RNF32: variants seen among roughly 807,000 people sequenced by gnomAD.
RNF32 encodes the protein ring finger protein 32.
In RNF32, 36 loss-of-function variants were observed where a neutral mutation model predicts 41.0. That is an observed-to-expected ratio of 0.88 (90% CI 0.67 to 1.16). The LOEUF (loss-of-function observed/expected upper bound fraction) is 1.16, where lower values mean the gene tolerates loss of function less well. RNF32 is among the 50% of genes most tolerant of loss of function. The pLI is 0.00. For synonymous variants in RNF32, 154 were observed against 160.9 expected, an observed-to-expected ratio of 0.96 and a Z score of 0.32; for missense variants, 413 against 436.7, an observed-to-expected ratio of 0.95 and a Z score of 0.48.
Position 156,658,564 on chromosome 7 carries a change from A to T in RNF32, c.678A>T (p.Glu226Asp). 1 of 1,603,744 alleles carries T rather than the reference A, an allele frequency of 6.2e-7. No individual in the cohort carries two copies. The highest frequency in any genetic ancestry group is 2.2e-5 in the East Asian group (1 of 44,852). The change falls in exon 7 of 9, where the codon GAA (glutamate) becomes GAT (aspartate). Residue 226 changes from glutamate (E) to aspartate (D), a missense_variant. Coordinates refer to ENST00000317955, the MANE Select transcript of RNF32 (RefSeq NM_030936.4). ...CCAAGTTAAGAAAAAAATTCTTTGA[A>T]AAAAAGGTAGGTAAAGATCATTATG... Reference protein sequence around the residue: ...TDAKLRKKFFEKKFTEISHRI... With the variant: ...TDAKLRKKFFDKKFTEISHRI...
chr7:156,667,766 A>C (rs920931427), intron 7 of RNF32, among the ~76,000 whole-genome samples: 4 of 152,234 alleles, frequency 2.6e-5, no homozygotes, highest in Admixed American at 6.5e-5. Flanking sequence ...TTGACTTCTA[A>C]AAGTACCACC....
chr7:156,669,144 T>TA lies in RNF32; in HGVS notation c.685-6549dup, dbSNP rs1297842283. 2 of 152,156 alleles carry TA rather than the reference T, an allele frequency of 1.3e-5. No homozygotes were observed. The highest frequency in any genetic ancestry group is 2.9e-5 in the Non-Finnish European group (2 of 68,042). The allele number at this position is 152,156 out of a possible 1,614,324, so 9.4% of individuals were successfully genotyped here. On this transcript the variant is annotated intron_variant, in intron 7 of 8. Transcript: ENST00000317955. The surrounding 1 kb of genome is among the most constrained non-coding windows in gnomAD (Gnocchi z 4.2). ...TTGTGTACTTTGTGAGCCTTCATTG[T>TA]AAAGGGTGTGCTGACCAGCCCCTCT...
rs773471916 is a variant in RNF32 at position 156,658,477 on chromosome 7, G to A, written c.591G>A (p.Trp197Ter). The A allele has an allele frequency of 9.9e-6, 16 of 1,612,574 alleles. No homozygotes were observed. The South Asian group carries it at 1.4e-4, about 14-fold the overall frequency. ...TGTGTTTTAGAATCCAAGCCTACTG[G>A]AGAGGATGTGTTGTTAGAAAGTGGT... ...IKCVTRIQAY[W>*]RGCVVRKWYR... is the part of the protein sequence containing the mutation. Residue 197 changes from tryptophan (W) to a stop codon, truncating the protein, a stop_gained, in exon 7 of 9, where the codon TGG (tryptophan) becomes TGA (stop). Coordinates refer to ENST00000317955, the MANE Select transcript of RNF32 (RefSeq NM_030936.4). LOFTEE classifies it high-confidence loss of function.
At chr7:156,658,921 A>G (rs967356835) in intron 7 of RNF32, 4 of 1,545,012 alleles carry the variant, frequency 2.6e-6, no homozygotes, top group Admixed American at 2.0e-5. Flanking sequence ...GTAAATGAAG[A>G]CATCTGCTGC....
intron 3 of RNF32, chr7:156,646,590 C>A: frequency 1.0e-6 from 1 of 977,638 alleles, no homozygotes; most frequent in Non-Finnish European, 1.4e-6. Flanking sequence ...TGACACAATT[C>A]AACCCAGTAC....
In RNF32 at chr7:156,676,579, C is replaced by G. The variant is rs1234353528; in HGVS notation, c.1013C>G (p.Ser338Cys). 1 of 1,614,218 alleles carries G rather than the reference C, an allele frequency of 6.2e-7. No homozygotes were observed. The highest frequency in any genetic ancestry group is 8.5e-7 in the Non-Finnish European group (1 of 1,180,030). Residue 338 changes from serine to cysteine, a missense_variant, in exon 9 of 9, where the codon TCC becomes TGC. Physicochemically the swap from Ser to Cys is moderately radical, Grantham distance 112. Coordinates refer to ENST00000317955, the MANE Select transcript of RNF32 (RefSeq NM_030936.4). ...TGTCTGCTGGCACTAGAGGAGTTCT[C>G]CGTGGGAGACAGGCCTCCTTTCCAT... Reference protein sequence around the residue: ...HACLLALEEFSVGDRPPFHAC... With the variant: ...HACLLALEEFCVGDRPPFHAC...
chr7:156,645,114 T>C (rs1433402409), intron 3 of RNF32, among the ~76,000 whole-genome samples: 1 of 152,210 alleles, frequency 6.6e-6, no homozygotes, highest in African/African-American at 2.4e-5. Flanking sequence ...AAAATCACCT[T>C]TGGCAAACAC....
At chr7:156,674,487 C>A (rs929637428) in intron 7 of RNF32, among the ~76,000 whole-genome samples, 2 of 152,206 alleles carry the variant, frequency 1.3e-5, no homozygotes, top group African/African-American at 4.8e-5. Flanking sequence ...TTCACATGTA[C>A]TAAAAAGGAG....
At chr7:156,658,006 T>C (rs906348438) in intron 5 of RNF32, 122 bp from the exon 6 acceptor site, 5 of 985,562 alleles carry the variant, frequency 5.1e-6, no homozygotes, top group South Asian at 1.6e-5. Context: ...ATAACCTAAA[T>C]TGGGCTAAGT....
At chr7:156,647,043 G>A (rs141999981) in intron 3 of RNF32, among the ~76,000 whole-genome samples, 1,535 of 152,194 alleles carry the variant, frequency 0.01, 18 homozygotes, top group South Asian at 0.029. Flanking sequence ...GTAGAGATGG[G>A]GTTTTGCCAT....
intron 1 of RNF32, among the ~76,000 whole-genome samples, chr7:156,641,705 T>C (rs1291251995): frequency 3.3e-5 from 5 of 152,274 alleles, no homozygotes; most frequent in Non-Finnish European, 4.4e-5. Flanking sequence ...ACTGCAGCTA[T>C]GACCGGACCA....
intron 8 of RNF32, 56 bp from the exon 9 acceptor site, chr7:156,676,363 C>T (rs1431811139): frequency 6.2e-6 from 10 of 1,613,752 alleles, no homozygotes; most frequent in Non-Finnish European, 8.5e-6. Flanking sequence ...GTTTAAGTAA[C>T]TTTCTGCTGT....
chr7:156,640,350 GGAGCGTGGCTGCGCCCACAAA>G (rs534878549), upstream of RNF32: 570 of 448,428 alleles, frequency 1.3e-3, 3 homozygotes, highest in African/African-American at 9.2e-3. Flanking sequence ...GGGCGGCTGA[GGAGCGTGGCTGCGCCCACAAA>G]GCCGCCGGGG....
At chr7:156,676,232 A>G (rs1803970533) in intron 8 of RNF32, 187 bp from the exon 9 acceptor site, 2 of 1,498,918 alleles carry the variant, frequency 1.3e-6, no homozygotes, top group Admixed American at 4.2e-5. Context: ...GGAGTAACAG[A>G]GTATATGTGT....
At chr7:156,656,168 G>A (rs759912261) in intron 4 of RNF32, among the ~76,000 whole-genome samples, 8 of 152,222 alleles carry the variant, frequency 5.3e-5, no homozygotes, top group Non-Finnish European at 1.0e-4. Flanking sequence ...TTTAGCAGAT[G>A]AGGGAATAAA....
chr7:156,665,711 C>G (rs1383886668), intron 7 of RNF32, among the ~76,000 whole-genome samples: 7 of 152,208 alleles, frequency 4.6e-5, no homozygotes, highest in African/African-American at 1.7e-4. Flanking sequence ...TCCCACCCAC[C>G]AGCCATCTCG....
intron 7 of RNF32, chr7:156,659,174 A>G: frequency 8.3e-6 from 10 of 1,199,074 alleles, no homozygotes; most frequent in Non-Finnish European, 1.0e-5. Flanking sequence ...GCTTCAGGCA[A>G]ACAGCAGCAG....
intron 7 of RNF32, among the ~76,000 whole-genome samples, chr7:156,675,327 C>G (rs1349235078): frequency 6.6e-6 from 1 of 152,198 alleles, no homozygotes; most frequent in East Asian, 1.9e-4. Flanking sequence ...GACGAGGGTG[C>G]CTCTCACAGG....
chr7:156,651,215 CTTTTTTT>C (rs201556848), intron 3 of RNF32, among the ~76,000 whole-genome samples: 1 of 138,752 alleles, frequency 7.2e-6, no homozygotes, highest in Non-Finnish European at 1.6e-5. Context: ...TTTAATATTT[CTTTTTTT>C]TTTTTTTTTG....
Sources: allele counts gnomAD v4.1 joint callset (sites outside exome capture counted in the v4.1 genomes callset), GRCh38; gene constraint gnomAD v4.1.1; non-coding constraint Gnocchi (gnomAD v3.1); transcripts MANE v1.5; gene names NCBI Gene and HGNC (gene_info 2026-07-23, HGNC 2026-07-21).